NOL7: variants seen among roughly 807,000 people sequenced by gnomAD.
The protein encoded by NOL7 is nucleolar protein 7.
Under a neutral mutation model 38.4 loss-of-function variants are expected in NOL7, and 36 were observed. The observed-to-expected ratio is 0.94, with a 90% CI of 0.72 to 1.24. The LOEUF is 1.24. Ranked by LOEUF, NOL7 falls within the 50% of genes most tolerant of loss-of-function variation. The pLI, the probability that NOL7 is intolerant of heterozygous loss-of-function variation, is 0.00. For missense variants in NOL7, 350 were observed against 315.1 expected, an observed-to-expected ratio of 1.11 and a Z score of -0.84; for synonymous variants, 142 against 126.5, an observed-to-expected ratio of 1.12 and a Z score of -0.82.
chr6:13,620,342 T>C lies in NOL7; in HGVS notation c.622+13T>C. The stretch of plus-strand genomic sequence containing the variant: ...AACAGGACTACTGGTAATTTTTTTA[T>C]GGACTATTTTTCTCACTTTTTACTG... On this transcript the variant is annotated intron_variant, in intron 6 of 7. Transcript: ENST00000451315. 1 of 1,613,888 alleles carries C rather than the reference T, an allele frequency of 6.2e-7. No homozygotes were observed. Among genetic ancestry groups the C allele is most frequent in the Non-Finnish European group, 8.5e-7 (1 of 1,179,938 alleles).
chr6:13,629,573 G>C (rs922627738), intron 8 of NOL7, among the ~76,000 whole-genome samples: 2 of 152,142 alleles, frequency 1.3e-5, no homozygotes, highest in African/African-American at 4.8e-5. Flanking sequence ...TTTCTAAATA[G>C]GGTGACTCTA....
At chr6:13,631,897 T>G (rs1764793124) in intron 8 of NOL7, among the ~76,000 whole-genome samples, 1 of 152,146 alleles carries the variant, frequency 6.6e-6, no homozygotes, top group East Asian at 1.9e-4. Flanking sequence ...AGTGACCCAA[T>G]TCTTCACTAA....
rs762632474 is a variant in NOL7 at position 13,617,761 on chromosome 6, T to C, written c.387-9T>C. On this transcript the variant is annotated splice_polypyrimidine_tract_variant and intron_variant, in intron 3 of 7. Transcript: ENST00000451315. ...CATTGCAGTCAGTGGTTTTGTTTTT[T>C]TTCCTTAGCATCAAGAAATCGCCAG... 3.7e-6 allele frequency: 6 copies of C among 1,613,732 alleles called. No individual in the cohort carries two copies. The highest frequency in any genetic ancestry group is 5.1e-6 in the Non-Finnish European group (6 of 1,179,628).
chr6:13,625,455 A>G (rs939149848), downstream of NOL7, among the ~76,000 whole-genome samples: 2 of 152,196 alleles, frequency 1.3e-5, no homozygotes, highest in Non-Finnish European at 2.9e-5. Context: ...ACCCCATCTT[A>G]CTGTTTTTAT....
Position 13,629,302 on chromosome 6 carries a change from AAAT to A in NOL7, n.574-3087_574-3085del, listed in dbSNP as rs530908902. On this transcript the variant is annotated intron_variant and non_coding_transcript_variant, in intron 8 of 8. Coordinates refer to the NOL7 transcript ENST00000474485. Reference sequence around the variant, plus strand: ...CGTGTAGTTATTTAAAAATAATTGGAAATAATGCATAGAAACTGGGAGGAAATA... The same window carrying A: ...CGTGTAGTTATTTAAAAATAATTGGAAATGCATAGAAACTGGGAGGAAATA... 1.3e-3 allele frequency among the ~76,000 whole-genome samples: 203 copies of A among 152,292 alleles called. 2 individuals carry two copies. The highest frequency in any genetic ancestry group is 4.7e-3 in the African/African-American group (196 of 41,542).
rs1187812926 is a variant in NOL7, at chr6:13,618,458, AG to A, written c.500+321del. Among the ~76,000 whole-genome samples, 16 of 151,656 alleles carry A rather than the reference AG, an allele frequency of 1.1e-4. No individual in the cohort carries two copies. The East Asian group carries it at 3.1e-3, about 29-fold the overall frequency. ...GAGACGGGGTTTCACCTTGTTAGCC[AG>A]GATGGTCTCGATCTCCTGACCTCAT... is the stretch of plus-strand genomic sequence containing the variant. On this transcript the variant is annotated intron_variant, in intron 5 of 7. Coordinates refer to ENST00000451315, the MANE Select transcript of NOL7 (RefSeq NM_016167.5).
intron 8 of NOL7, among the ~76,000 whole-genome samples, chr6:13,627,472 A>C: frequency 6.6e-6 from 1 of 151,778 alleles, no homozygotes; most frequent in East Asian, 1.9e-4. Flanking sequence ...TCCACTAAAA[A>C]TACAAAAATT....
downstream of NOL7, among the ~76,000 whole-genome samples, chr6:13,624,562 T>TA (rs749192849): frequency 2.0e-5 from 3 of 152,236 alleles, no homozygotes; most frequent in Admixed American, 6.5e-5. Flanking sequence ...CAAACTTGTT[T>TA]TATGTAAACA....
rs1764334636 is a variant in NOL7 at position 13,618,061 on chromosome 6, A to G, written c.422A>G (p.Asn141Ser). Residue 141 changes from asparagine (N) to serine (S), a missense_variant, in exon 5 of 8, where the codon AAT (asparagine) becomes AGT (serine). By Grantham distance (46) the Asn-to-Ser change is conservative. Coordinates refer to ENST00000451315, the MANE Select transcript of NOL7 (RefSeq NM_016167.5). ...KKSPGKVKEV[N>S]LQKKNEDCEK... ...AAAATGTAACTCTATTTTTTAGTTAATTTGCAAAAGAAAAATGAAGACTGT... is the reference window on the plus strand; with the variant it reads ...AAAATGTAACTCTATTTTTTAGTTAGTTTGCAAAAGAAAAATGAAGACTGT... 6.7e-7 allele frequency: 1 copy of G among 1,497,496 alleles called. No individual in the cohort carries two copies. Among genetic ancestry groups the G allele is most frequent in the Non-Finnish European group, 9.2e-7 (1 of 1,083,984 alleles). 92.8% of individuals were successfully genotyped at this position (1,497,496 alleles called of 1,614,324 possible). A position where few individuals can be genotyped will look rare whatever the true frequency, so the allele number is the denominator to read the frequency against.
At chr6:13,625,859 G>T, downstream of NOL7, 1 of 835,164 alleles carries the variant, frequency 1.2e-6, no homozygotes, top group Non-Finnish European at 2.0e-6. Flanking sequence ...TGGCTTCCAG[G>T]CACAGACTAA....
Position 13,618,049 on chromosome 6 carries a change from A to AT in NOL7, c.419-3dup. On this transcript the variant is annotated splice_polypyrimidine_tract_variant and intron_variant, in intron 4 of 7. Transcript: ENST00000451315. Reference sequence around the variant, plus strand: ...AATGCTAATTAGAAAATGTAACTCTATTTTTTAGTTAATTTGCAAAAGAAA... The same window carrying AT: ...AATGCTAATTAGAAAATGTAACTCTATTTTTTTAGTTAATTTGCAAAAGAAA... The AT allele has an allele frequency of 1.4e-6, 2 of 1,417,896 alleles. No homozygotes were observed. Among genetic ancestry groups the AT allele is most frequent in the Non-Finnish European group, 2.0e-6 (2 of 1,012,552 alleles). 87.8% of individuals were successfully genotyped at this position (1,417,896 alleles called of 1,614,324 possible).
chr6:13,617,289 T>C (rs980899686), intron 3 of NOL7, among the ~76,000 whole-genome samples: 13 of 150,422 alleles, frequency 8.6e-5, no homozygotes, highest in African/African-American at 3.0e-4. Flanking sequence ...GTGGCCTTTC[T>C]CCTGTGCAAA....
In NOL7 at chr6:13,620,953, T is replaced by TC; in HGVS notation, c.*127dup. 1.6e-6 allele frequency: 1 copy of TC among 612,498 alleles called. No individual in the cohort carries two copies. 37.9% of individuals were successfully genotyped at this position (612,498 alleles called of 1,614,324 possible). ...ATTTGAGGAAGTGCTCAACCACATTTCATTCTTCTGGAGTAGAACTGTGCC... is the reference window on the plus strand; with the variant it reads ...ATTTGAGGAAGTGCTCAACCACATTTCCATTCTTCTGGAGTAGAACTGTGCC... On this transcript the variant is annotated 3_prime_UTR_variant, in exon 8 of 8. Transcript: ENST00000451315.
chr6:13,631,343 C>A (rs1355873790), intron 8 of NOL7, among the ~76,000 whole-genome samples: 1 of 152,104 alleles, frequency 6.6e-6, no homozygotes, highest in Non-Finnish European at 1.5e-5. Context: ...CTAGGCCAGG[C>A]AAGCATGTTA....
intron 5 of NOL7, among the ~76,000 whole-genome samples, chr6:13,618,394 C>T (rs1764343757): frequency 6.6e-6 from 1 of 151,498 alleles, no homozygotes; most frequent in East Asian, 1.9e-4. Flanking sequence ...ACTACAGGCG[C>T]CCGCCACCGC....
At chr6:13,631,999 T>C (rs1284379515) in intron 8 of NOL7, among the ~76,000 whole-genome samples, 2 of 152,192 alleles carry the variant, frequency 1.3e-5, no homozygotes, top group Non-Finnish European at 2.9e-5. Flanking sequence ...CCTATAGTTT[T>C]ATCTGCACGC....
chr6:13,632,265 C>G (rs1764808567), intron 8 of NOL7: 1 of 1,174,976 alleles, frequency 8.5e-7, no homozygotes, highest in African/African-American at 1.5e-5. Context: ...AAGGTCAGGT[C>G]CCAGTTCCCT....
intron 8 of NOL7, among the ~76,000 whole-genome samples, chr6:13,630,585 G>C (rs377417473): frequency 6.6e-6 from 1 of 151,876 alleles, no homozygotes; most frequent in Admixed American, 6.6e-5. Flanking sequence ...GTATGATTCA[G>C]GGACACCTGG....
chr6:13,624,288 A>G (rs1764537796), downstream of NOL7, among the ~76,000 whole-genome samples: 1 of 152,330 alleles, frequency 6.6e-6, no homozygotes, highest in Non-Finnish European at 1.5e-5. Context: ...TGCTTCCTTT[A>G]CATTCTTGCT....
Sources: allele counts gnomAD v4.1 joint callset (sites outside exome capture counted in the v4.1 genomes callset), GRCh38; gene constraint gnomAD v4.1.1; transcripts MANE v1.5; gene names NCBI Gene and HGNC (gene_info 2026-07-23, HGNC 2026-07-21).